RBFOX1: variants seen among roughly 807,000 people sequenced by gnomAD.
The protein encoded by RBFOX1 is RNA binding fox-1 homolog 1.
Under a neutral mutation model 57.7 loss-of-function variants are expected in RBFOX1, and 8 were observed. The ratio of observed to expected loss-of-function variants is 0.14; its 90% CI spans 0.08 to 0.25. RBFOX1 has a LOEUF of 0.25. Ranked by LOEUF, RBFOX1 falls within the 10% of genes least tolerant of loss-of-function variation. RBFOX1 has a pLI of 1.00. For synonymous variants in RBFOX1, 326 were observed against 222.4 expected (o/e 1.47, Z -4.15); for missense variants, 611 against 548.5 (o/e 1.11, Z -1.14).
chr16:6,447,734 A>G (rs2094513073), intron 2 of RBFOX1, among the ~76,000 whole-genome samples: 1 of 152,196 alleles, frequency 6.6e-6, no homozygotes, highest in South Asian at 2.1e-4. Context: ...GCCACACCAA[A>G]TGCTGCTGAA....
At chr16:5,972,589 G>A (rs894103093) in intron 4 of RBFOX1, among the ~76,000 whole-genome samples, 3 of 152,182 alleles carry the variant, frequency 2.0e-5, no homozygotes, top group East Asian at 1.9e-4. Flanking sequence ...GATGAGATGC[G>A]GCACCTGGAA....
chr16:5,477,524 G>A (rs954197399), intron 2 of RBFOX1, among the ~76,000 whole-genome samples: 1 of 152,190 alleles, frequency 6.6e-6, no homozygotes, highest in Non-Finnish European at 1.5e-5. Flanking sequence ...AGTTATTGAA[G>A]TAATTGCACG....
At chr16:5,983,056 G>A (rs902859277) in intron 4 of RBFOX1, among the ~76,000 whole-genome samples, 1 of 152,158 alleles carries the variant, frequency 6.6e-6, no homozygotes, top group African/African-American at 2.4e-5. Context: ...CAGCGCTGAT[G>A]TCTGCAGCTC....
chr16:7,600,344 T>G (rs1259496314), intron 9 of RBFOX1, among the ~76,000 whole-genome samples: 1 of 152,170 alleles, frequency 6.6e-6, no homozygotes, highest in Non-Finnish European at 1.5e-5. Context: ...ATGGAGAACT[T>G]TGGTGTTCAA....
chr16:6,899,869 C>G (rs1214152959), intron 3 of RBFOX1, among the ~76,000 whole-genome samples: 1 of 152,130 alleles, frequency 6.6e-6, no homozygotes, highest in Admixed American at 6.5e-5. Context: ...AGGGCCATGT[C>G]CAGGTGTGAA....
intron 3 of RBFOX1, among the ~76,000 whole-genome samples, chr16:6,752,257 A>G (rs971821858): frequency 2.0e-5 from 3 of 152,196 alleles, no homozygotes; most frequent in Admixed American, 6.5e-5. Context: ...TTTGTCATTT[A>G]TAACATCGAA....
intron 3 of RBFOX1, among the ~76,000 whole-genome samples, chr16:6,923,908 C>T (rs111351242): frequency 2.6e-5 from 4 of 152,174 alleles, no homozygotes; most frequent in African/African-American, 9.6e-5. Flanking sequence ...TGGTGGCTGA[C>T]ACCTGTAATC....
intron 3 of RBFOX1, among the ~76,000 whole-genome samples, chr16:6,881,072 T>A (rs991508525): frequency 3.3e-5 from 5 of 152,336 alleles, no homozygotes; most frequent in African/African-American, 1.2e-4. Flanking sequence ...TAATCAATCA[T>A]GGCACTTTTA....
At chr16:5,755,828 C>T (rs1202209910) in intron 3 of RBFOX1, among the ~76,000 whole-genome samples, 1 of 152,014 alleles carries the variant, frequency 6.6e-6, no homozygotes, top group African/African-American at 2.4e-5. Context: ...GAACTCCTGA[C>T]CTCAGGTGAT....
chr16:7,043,459 A>G (rs1253698154), intron 3 of RBFOX1, among the ~76,000 whole-genome samples: 2 of 152,186 alleles, frequency 1.3e-5, no homozygotes, highest in African/African-American at 4.8e-5. Context: ...CATCAAGGAA[A>G]ACGCAAACTC....
At chr16:5,495,897 G>A (rs766926797) in intron 2 of RBFOX1, among the ~76,000 whole-genome samples, 2 of 152,138 alleles carry the variant, frequency 1.3e-5, no homozygotes, top group Admixed American at 6.5e-5. Flanking sequence ...AGGCCGAGGC[G>A]GGCAGATCAC....
At chr16:5,454,960 T>TTTCC (rs1567535966) in intron 1 of RBFOX1, among the ~76,000 whole-genome samples, 13 of 46,010 alleles carry the variant, frequency 2.8e-4, no homozygotes, top group African/African-American at 9.1e-4. Context: ...CCTTCCTTCC[T>TTTCC]TTCTTTCTTT....
chr16:6,496,064 A>G (rs1400567091), intron 2 of RBFOX1, among the ~76,000 whole-genome samples: 1 of 152,222 alleles, frequency 6.6e-6, no homozygotes, highest in Non-Finnish European at 1.5e-5. Context: ...TGTTTATGGA[A>G]AGATTCCATG....
intron 3 of RBFOX1, among the ~76,000 whole-genome samples, chr16:6,819,716 A>AC (rs2090902338): frequency 6.9e-6 from 1 of 144,342 alleles, no homozygotes; most frequent in South Asian, 2.3e-4. Flanking sequence ...AAAAAAAAAA[A>AC]AAAAAAAAAA....
intron 4 of RBFOX1, among the ~76,000 whole-genome samples, chr16:7,292,073 G>T (rs981124906): frequency 4.3e-4 from 31 of 72,856 alleles, no homozygotes; most frequent in South Asian, 7.2e-4. Flanking sequence ...ATTATATATA[G>T]AATATATGAT....
intron 4 of RBFOX1, among the ~76,000 whole-genome samples, chr16:5,986,104 C>G (rs1326513059): frequency 6.6e-6 from 1 of 151,208 alleles, no homozygotes; most frequent in African/African-American, 2.4e-5. Context: ...CTCTTGTTAC[C>G]CAGGCTGGGT....
chr16:5,908,323 C>CAG (rs1555443982), intron 4 of RBFOX1, among the ~76,000 whole-genome samples: 1 of 138,478 alleles, frequency 7.2e-6, no homozygotes, highest in Non-Finnish European at 1.5e-5. Flanking sequence ...TACACACACA[C>CAG]ATATATATAT....
Position 6,985,535 on chromosome 16 carries a change from A to G in RBFOX1, c.-15-66522A>G, listed in dbSNP as rs370927399. Among the ~76,000 whole-genome samples the G allele has an allele frequency of 5.3e-5, 8 of 152,338 alleles. No homozygotes were observed. In the East Asian group the frequency reaches 1.2e-3, roughly 22 times the overall value. On this transcript the variant is annotated intron_variant, in intron 3 of 15. Transcript: ENST00000550418. ...ATGTGTGGAAAATACTGGATTAGAAAGATTAGACAGGGCTGGGAGCAGTGG... is the reference window on the plus strand; with the variant it reads ...ATGTGTGGAAAATACTGGATTAGAAGGATTAGACAGGGCTGGGAGCAGTGG...
At chr16:7,319,688 C>T (rs1429452206) in intron 4 of RBFOX1, among the ~76,000 whole-genome samples, 2 of 152,144 alleles carry the variant, frequency 1.3e-5, no homozygotes, top group African/African-American at 2.4e-5. Flanking sequence ...AGTAGATTTC[C>T]AGGGTTCCTT....
Sources: gnomAD v4.1 joint callset for allele counts (sites outside exome capture counted in the v4.1 genomes callset) on GRCh38, gnomAD v4.1.1 for gene constraint, MANE v1.5 for transcripts, NCBI Gene and HGNC (gene_info 2026-07-23, HGNC 2026-07-21) for gene names.